Variants in SFMBT2 observed in about 807,000 individuals in gnomAD.
The protein encoded by SFMBT2 is Scm like with four mbt domains 2.
A neutral mutation model predicts 110.1 loss-of-function variants in SFMBT2; 38 were observed. The ratio of observed to expected loss-of-function variants is 0.35; its 90% CI spans 0.27 to 0.45. SFMBT2 has a LOEUF of 0.45. SFMBT2 is among the 20% of genes least tolerant of loss of function. The probability of loss-of-function intolerance (pLI) is 1.00; values close to 1 mark genes in which losing one functional copy is unlikely to be tolerated. For synonymous variants in SFMBT2, 425 were observed against 425.4 expected (o/e 1.00, Z 0.01); for missense variants, 1,011 against 1,094.9 (o/e 0.92, Z 1.08).
Position 7,220,407 on chromosome 10 carries a change from G to T in SFMBT2, c.1330+4C>A. 4 of 1,613,168 alleles carry T rather than the reference G, an allele frequency of 2.5e-6. No individual in the cohort carries two copies. The highest frequency in any genetic ancestry group is 3.4e-6 in the Non-Finnish European group (4 of 1,179,388). On this transcript the variant is annotated splice_donor_region_variant and intron_variant, in intron 11 of 20. Transcript: ENST00000397167. ...AGCGACTGCTACCCCCAGCGAGTAC[G>T]TACCTTCCAGGTGAAGCCACATTAG...
At chr10:7,335,793 G>A (rs1843703445) in intron 4 of SFMBT2, among the ~76,000 whole-genome samples, 1 of 152,094 alleles carries the variant, frequency 6.6e-6, no homozygotes, top group South Asian at 2.1e-4. Context: ...GGACTGTAAC[G>A]TAACAAAGGA....
rs1037807668 is a variant in SFMBT2, at chr10:7,308,681, AGGTAGCT to A, written c.437-22734_437-22728del. ...CAGCTCTCTCATTTCAGCTGTGCTAAGGTAGCTGGTGATCAGCGGCTATTACTTGATG... is the reference window on the plus strand; with the variant it reads ...CAGCTCTCTCATTTCAGCTGTGCTAAGGTGATCAGCGGCTATTACTTGATG... On this transcript the variant is annotated intron_variant, in intron 4 of 20. Transcript: ENST00000397167. 1.3e-3 allele frequency among the ~76,000 whole-genome samples: 200 copies of A among 152,330 alleles called. 2 individuals are homozygous for A. Among genetic ancestry groups the A allele is most frequent in the African/African-American group, 4.7e-3 (194 of 41,580 alleles).
intron 15 of SFMBT2, among the ~76,000 whole-genome samples, chr10:7,196,625 G>A (rs562300159): frequency 6.6e-5 from 10 of 152,314 alleles, no homozygotes; most frequent in South Asian, 2.1e-4. Context: ...CAATGCTTCC[G>A]ATGGTGCCTG....
At chr10:7,204,704 T>C (rs1839069680) in intron 12 of SFMBT2, 1 of 190,534 alleles carries the variant, frequency 5.2e-6, no homozygotes, top group Middle Eastern at 2.7e-3. Context: ...TGAAACCCCA[T>C]CTCTACCAAA....
chr10:7,384,911 G>C lies in SFMBT2; in HGVS notation c.-51-2962C>G, dbSNP rs115273337. ...ACAGAACTAAACATCACCTAACACC[G>C]AACTGACCTGCTCACACCTTGTCTC... On this transcript the variant is annotated intron_variant, in intron 1 of 20. Coordinates refer to ENST00000397167, the MANE Select transcript of SFMBT2 (RefSeq NM_001387889.1). Among the ~76,000 whole-genome samples, 747 of 152,224 alleles carry C rather than the reference G, an allele frequency of 4.9e-3. 4 individuals carry two copies. The highest frequency in any genetic ancestry group is 0.017 in the African/African-American group (715 of 41,532).
rs181011690 is a variant in SFMBT2, at chr10:7,161,612, T to G, written c.*2158A>C. The G allele has an allele frequency of 2.6e-5, 4 of 152,278 alleles. No homozygotes were observed. Among genetic ancestry groups the G allele is most frequent in the Admixed American group, 2.6e-4 (4 of 15,302 alleles). 9.4% of individuals were successfully genotyped at this position (152,278 alleles called of 1,614,324 possible). ...CAGCCACAGATCCCAGAGACATTTC[T>G]GTCGGGGTACAACTGACACACTCCT... On this transcript the variant is annotated 3_prime_UTR_variant, in exon 21 of 21. Transcript: ENST00000397167.
intron 4 of SFMBT2, among the ~76,000 whole-genome samples, chr10:7,288,392 A>G (rs1842164823): frequency 2.0e-5 from 3 of 152,360 alleles, no homozygotes; most frequent in Middle Eastern, 3.4e-3. Flanking sequence ...TTTCTCAAAC[A>G]AAATGTCACC....
At chr10:7,381,076 CAT>C (rs1381801886) in intron 2 of SFMBT2, among the ~76,000 whole-genome samples, 2 of 132,738 alleles carry the variant, frequency 1.5e-5, no homozygotes, top group African/African-American at 8.2e-5. Context: ...TACACACATA[CAT>C]ACATACATAC....
intron 17 of SFMBT2, among the ~76,000 whole-genome samples, chr10:7,175,252 G>T (rs1838018174): frequency 6.6e-6 from 1 of 152,222 alleles, no homozygotes. Flanking sequence ...ACAGGACTCA[G>T]GCACAGGAGG....
chr10:7,224,949 T>C (rs879478604), intron 10 of SFMBT2, among the ~76,000 whole-genome samples: 3 of 152,228 alleles, frequency 2.0e-5, no homozygotes, highest in Non-Finnish European at 2.9e-5. Context: ...TATATCTTTA[T>C]GTAACCTGAA....
intron 7 of SFMBT2, among the ~76,000 whole-genome samples, chr10:7,263,777 T>G (rs542259314): frequency 6.6e-5 from 10 of 152,260 alleles, no homozygotes; most frequent in African/African-American, 2.4e-4. Context: ...AAGAAACCAG[T>G]CACCATAGAA....
At chr10:7,245,949 A>T (rs1035112243) in intron 8 of SFMBT2, among the ~76,000 whole-genome samples, 1 of 152,208 alleles carries the variant, frequency 6.6e-6, no homozygotes, top group African/African-American at 2.4e-5. Flanking sequence ...TTTCAAACAT[A>T]ATATTCCAAA....
intron 6 of SFMBT2, chr10:7,277,410 T>G (rs1010920088): frequency 6.1e-5 from 15 of 244,106 alleles, no homozygotes; most frequent in Non-Finnish European, 1.3e-5. Flanking sequence ...AGTCTGGCAT[T>G]TGCAGTTATG....
intron 9 of SFMBT2, among the ~76,000 whole-genome samples, chr10:7,242,438 T>G (rs1840462921): frequency 6.6e-6 from 1 of 152,156 alleles, no homozygotes; most frequent in African/African-American, 2.4e-5. Flanking sequence ...TTATATAAAC[T>G]CTCTGTGACT....
chr10:7,311,863 GA>G (rs1479666859), intron 4 of SFMBT2, among the ~76,000 whole-genome samples: 1 of 152,178 alleles, frequency 6.6e-6, no homozygotes, highest in Non-Finnish European at 1.5e-5. Context: ...AACAATTCCT[GA>G]AAAGGTCATT....
chr10:7,296,489 T>C (rs1033450912), intron 4 of SFMBT2, among the ~76,000 whole-genome samples: 2 of 152,252 alleles, frequency 1.3e-5, no homozygotes, highest in Non-Finnish European at 2.9e-5. Flanking sequence ...TGCTTCTTCC[T>C]GTAAAGTTAC....
Position 7,171,027 on chromosome 10 carries a change from C to T in SFMBT2, c.2445G>A (p.Leu815=), listed in dbSNP as rs373483982. ...ACTCCAACGGGTTGCTCTCCAGAAC[C>T]AGTCTCTCCTCCTCCTCCTGTTTCG... ...EDTKQEEEER[L]VLESNPLEWT... Residue 815 remains leucine (L), a synonymous_variant, in exon 20 of 21, where the codon CTG becomes CTA. Coordinates refer to ENST00000397167, the MANE Select transcript of SFMBT2 (RefSeq NM_001387889.1). The surrounding 1 kb of genome is among the most constrained non-coding windows in gnomAD (Gnocchi z 4.9). 6.2e-7 allele frequency: 1 copy of T among 1,614,182 alleles called. No homozygotes were observed. The highest frequency in any genetic ancestry group is 1.1e-5 in the South Asian group (1 of 91,084).
chr10:7,322,111 T>C (rs1184119953), intron 4 of SFMBT2, among the ~76,000 whole-genome samples: 1 of 152,216 alleles, frequency 6.6e-6, no homozygotes, highest in African/African-American at 2.4e-5. Context: ...ACGTGTCCCA[T>C]GGGAGGGACC....
chr10:7,218,473 T>G (rs1460141270), intron 11 of SFMBT2, among the ~76,000 whole-genome samples: 5 of 152,226 alleles, frequency 3.3e-5, no homozygotes, highest in Non-Finnish European at 5.9e-5. Context: ...TGAGCAATAA[T>G]TACAGGTAAT....
Sources: allele counts gnomAD v4.1 joint callset (sites outside exome capture counted in the v4.1 genomes callset), GRCh38; gene constraint gnomAD v4.1.1; non-coding constraint Gnocchi (gnomAD v3.1); transcripts MANE v1.5; gene names NCBI Gene and HGNC (gene_info 2026-07-23, HGNC 2026-07-21).